SUMF1: variants seen among roughly 807,000 people sequenced by gnomAD.
SUMF1 encodes sulfatase modifying factor 1, also known as formylglycine-generating enzyme.
Under a neutral mutation model 47.6 loss-of-function variants are expected in SUMF1, and 48 were observed. The ratio of observed to expected loss-of-function variants is 1.01; its 90% CI spans 0.80 to 1.28. The LOEUF (loss-of-function observed/expected upper bound fraction) is 1.28. SUMF1 is among the 50% of genes most tolerant of loss of function. The pLI, the probability that SUMF1 is intolerant of heterozygous loss-of-function variation, is 0.00. For synonymous variants in SUMF1, 230 were observed against 192.1 expected (o/e 1.20, Z -1.63); for missense variants, 571 against 485.4 (o/e 1.18, Z -1.66).
chr3:4,217,525 T>TTATATATATATATATATATATAATA (rs1695958660), intron 8 of SUMF1, among the ~76,000 whole-genome samples: 1 of 98,862 alleles, frequency 1.0e-5, no homozygotes, highest in Admixed American at 1.2e-4. Flanking sequence ...TATATATATA[T>TTATATATATATATATATATATAATA]ATATATATAT....
intron 9 of SUMF1, among the ~76,000 whole-genome samples, chr3:4,036,860 A>T (rs1043798383): frequency 3.7e-4 from 55 of 149,594 alleles, no homozygotes; most frequent in East Asian, 2.7e-3. Flanking sequence ...AAAAAAAAAA[A>T]AAAAAAAAAA....
At chr3:4,462,889 C>A (rs557967079) in intron 1 of SUMF1, among the ~76,000 whole-genome samples, 1 of 152,204 alleles carries the variant, frequency 6.6e-6, no homozygotes, top group Non-Finnish European at 1.5e-5. Flanking sequence ...AAGTTTCTTG[C>A]AGTTCTGAGC....
intron 8 of SUMF1, among the ~76,000 whole-genome samples, chr3:4,286,104 A>G (rs1215437782): frequency 6.6e-6 from 1 of 152,124 alleles, no homozygotes; most frequent in African/African-American, 2.4e-5. Flanking sequence ...CTTAAATTAT[A>G]TAGTTACCTC....
chr3:4,367,099 CG>C (rs772784084), intron 8 of SUMF1, among the ~76,000 whole-genome samples: 56 of 152,130 alleles, frequency 3.7e-4, no homozygotes, highest in Non-Finnish European at 6.6e-4. Context: ...GAGGAGTACC[CG>C]GCCGTGTGAG....
chr3:4,156,508 G>A (rs943519011), intron 8 of SUMF1, among the ~76,000 whole-genome samples: 3 of 151,570 alleles, frequency 2.0e-5, no homozygotes, highest in African/African-American at 7.3e-5. Context: ...GAACAGAAAG[G>A]CATCTATCAA....
chr3:4,408,461 G>GA (rs949566461), intron 7 of SUMF1, among the ~76,000 whole-genome samples: 5 of 151,666 alleles, frequency 3.3e-5, no homozygotes, highest in South Asian at 4.2e-4. Flanking sequence ...GTTTAAAAAA[G>GA]AAAAAAAAGA....
intron 8 of SUMF1, among the ~76,000 whole-genome samples, chr3:4,123,427 CAT>C (rs1693589078): frequency 6.6e-6 from 1 of 152,144 alleles, no homozygotes; most frequent in African/African-American, 2.4e-5. Context: ...ATGGCATCCA[CAT>C]GTTTGTTTAG....
At chr3:4,464,993 C>A (rs1434324287) in intron 1 of SUMF1, among the ~76,000 whole-genome samples, 3 of 152,126 alleles carry the variant, frequency 2.0e-5, no homozygotes, top group Non-Finnish European at 4.4e-5. Context: ...TAAATGTAAT[C>A]CAAAAGATTC....
intron 8 of SUMF1, chr3:4,316,641 C>G: frequency 6.4e-7 from 1 of 1,551,188 alleles, no homozygotes; most frequent in Non-Finnish European, 8.7e-7. Flanking sequence ...TCTACGCAAC[C>G]ACAACGAACC....
chr3:4,215,769 A>G (rs1695909329), intron 8 of SUMF1, among the ~76,000 whole-genome samples: 1 of 152,200 alleles, frequency 6.6e-6, no homozygotes, highest in Admixed American at 6.5e-5. Context: ...GAGCCAAATC[A>G]TGAGTCAATT....
At chr3:4,265,561 C>G (rs954503459) in intron 8 of SUMF1, among the ~76,000 whole-genome samples, 2 of 152,124 alleles carry the variant, frequency 1.3e-5, no homozygotes, top group Non-Finnish European at 2.9e-5. Flanking sequence ...TACAAAGGCA[C>G]AAAAATATTT....
intron 8 of SUMF1, among the ~76,000 whole-genome samples, chr3:4,277,476 C>T (rs1697442453): frequency 6.6e-6 from 1 of 151,986 alleles, no homozygotes; most frequent in Admixed American, 6.6e-5. Flanking sequence ...CTTAACATCA[C>T]ATAGAGAGAT....
At chr3:4,050,826 G>A (rs1033112782) in intron 9 of SUMF1, among the ~76,000 whole-genome samples, 1 of 150,088 alleles carries the variant, frequency 6.7e-6, no homozygotes, top group African/African-American at 2.5e-5. Flanking sequence ...GTACATGAAA[G>A]CACCCATCAT....
intron 9 of SUMF1, among the ~76,000 whole-genome samples, chr3:4,067,692 C>T (rs1007494566): frequency 6.6e-6 from 1 of 152,164 alleles, no homozygotes; most frequent in African/African-American, 2.4e-5. Flanking sequence ...CACAAATATC[C>T]GTGCTCAATC....
intron 8 of SUMF1, among the ~76,000 whole-genome samples, chr3:4,250,656 C>T (rs1466211212): frequency 1.3e-5 from 2 of 152,086 alleles, no homozygotes; most frequent in Non-Finnish European, 2.9e-5. Flanking sequence ...GCTAACACAA[C>T]CGGTGACTTA....
intron 8 of SUMF1, among the ~76,000 whole-genome samples, chr3:4,150,421 G>A (rs937423371): frequency 6.6e-6 from 1 of 151,524 alleles, no homozygotes; most frequent in African/African-American, 2.4e-5. Context: ...AATTAGCCAG[G>A]TGTAGAGGCA....
intron 8 of SUMF1, among the ~76,000 whole-genome samples, chr3:4,166,117 G>T (rs116688667): frequency 0.031 from 4,762 of 152,136 alleles, 276 homozygotes; most frequent in African/African-American, 0.11. Context: ...CTGCACCCTT[G>T]TCTTTCCTCT....
chr3:4,229,059 G>GA (rs1286525355), intron 8 of SUMF1, among the ~76,000 whole-genome samples: 1 of 152,136 alleles, frequency 6.6e-6, no homozygotes, highest in Non-Finnish European at 1.5e-5. Context: ...AGTGATGTAC[G>GA]AAGCAATTTA....
At chr3:4,335,310 C>G (rs1354193215) in intron 8 of SUMF1, among the ~76,000 whole-genome samples, 1 of 152,186 alleles carries the variant, frequency 6.6e-6, no homozygotes, top group Non-Finnish European at 1.5e-5. Context: ...CTACCTACCT[C>G]TTCACCTCAT....
Sources: allele counts gnomAD v4.1 joint callset (sites outside exome capture counted in the v4.1 genomes callset), GRCh38; gene constraint gnomAD v4.1.1; transcripts MANE v1.5; gene names NCBI Gene and HGNC (gene_info 2026-07-23, HGNC 2026-07-21).